Variants in MBLAC2 observed in about 807,000 individuals in gnomAD.
The protein encoded by MBLAC2 is metallo-beta-lactamase domain containing 2.
A neutral mutation model predicts 23.3 loss-of-function variants in MBLAC2; 24 were observed. That is an observed-to-expected ratio of 1.03 (90% CI 0.75 to 1.45). The LOEUF is 1.45. Among genes scored for constraint, MBLAC2 ranks in the 40% most tolerant of loss-of-function variants. The pLI is 0.00. For missense variants in MBLAC2, 358 were observed against 370.0 expected (o/e 0.97, Z 0.27); for synonymous variants, 162 against 150.9 (o/e 1.07, Z -0.54).
chr5:90,470,751 C>T (rs934899554), intron 1 of MBLAC2, among the ~76,000 whole-genome samples: 1 of 94,866 alleles, frequency 1.1e-5, no homozygotes, highest in South Asian at 4.7e-4. Context: ...AAAACTAGCG[C>T]GCGCGCACAC....
rs765956049 is a variant in MBLAC2 at position 90,473,877 on chromosome 5, C to G, written c.416G>C (p.Arg139Pro). The G allele has an allele frequency of 1.2e-6, 2 of 1,602,178 alleles. No individual in the cohort carries two copies. Among genetic ancestry groups the G allele is most frequent in the East Asian group, 4.5e-5 (2 of 44,288 alleles). The change falls in exon 1 of 2, where the codon CGG becomes CCG. Residue 139 changes from arginine (R) to proline (P), a missense_variant. By Grantham distance (103) the Arg-to-Pro change is moderately radical. Transcript: ENST00000316610. ...GAGGGTGGGCTGCACCGCCTGTACC[C>G]GGAACTGTCTGGCCCTCCAGCCGGG... is the stretch of plus-strand genomic sequence containing the variant. ...PSPGWRARQF[R>P]VQAVQPTLIL...
chr5:90,473,016 A>T (rs1750589622), intron 1 of MBLAC2: 1 of 152,232 alleles, frequency 6.6e-6, no homozygotes, highest in African/African-American at 2.4e-5. Context: ...CTACGTAGGG[A>T]GAATGGGCTG....
intron 1 of MBLAC2, among the ~76,000 whole-genome samples, chr5:90,461,937 T>C (rs1054457684): frequency 3.3e-5 from 5 of 152,374 alleles, no homozygotes; most frequent in African/African-American, 9.6e-5. Context: ...AAAGTAGATA[T>C]AGTTGTACAA....
At chr5:90,471,122 A>C (rs922025201) in intron 1 of MBLAC2, among the ~76,000 whole-genome samples, 1 of 152,158 alleles carries the variant, frequency 6.6e-6, no homozygotes, top group African/African-American at 2.4e-5. Context: ...TAGCATCCAA[A>C]ACAGTTCCCC....
chr5:90,468,812 C>A (rs991864462), intron 1 of MBLAC2, among the ~76,000 whole-genome samples: 2 of 152,046 alleles, frequency 1.3e-5, no homozygotes, highest in African/African-American at 2.4e-5. Context: ...AATTAAATAA[C>A]CTGCTCTTGA....
chr5:90,474,494 C>G lies in MBLAC2; in HGVS notation c.-202G>C. On this transcript the variant is annotated 5_prime_UTR_variant, in exon 1 of 2. Transcript: ENST00000316610. ...CCGACGCTGCCCGTAGCGTGCGCTC[C>G]CGCACCCTTCCGCCAGGTCGGCAGC... 1.8e-6 allele frequency: 1 copy of G among 570,314 alleles called. No homozygotes were observed. Among genetic ancestry groups the G allele is most frequent in the Non-Finnish European group, 3.1e-6 (1 of 324,174 alleles). The allele number at this position is 570,314 out of a possible 1,614,324, so 35.3% of individuals were successfully genotyped here. A position where few individuals can be genotyped will look rare whatever the true frequency, so the allele number is the denominator to read the frequency against.
intron 1 of MBLAC2, among the ~76,000 whole-genome samples, chr5:90,462,879 A>G (rs557808141): frequency 6.6e-6 from 1 of 152,338 alleles, no homozygotes; most frequent in East Asian, 1.9e-4. Context: ...ACTTGACCTG[A>G]CAAAAATAAA....
chr5:90,467,563 T>G (rs1462112086), intron 1 of MBLAC2, among the ~76,000 whole-genome samples: 1 of 152,124 alleles, frequency 6.6e-6, no homozygotes, highest in Non-Finnish European at 1.5e-5. Context: ...TTCATGTGAG[T>G]CTTTATGTGT....
Position 90,474,296 on chromosome 5 carries a change from G to A in MBLAC2, c.-4C>T, listed in dbSNP as rs1219220009. ...CGTACCACTCGAGCGCCGACATGCTGGGCAGGGGTGCAGCCAGGCGGGGTG... is the reference window on the plus strand; with the variant it reads ...CGTACCACTCGAGCGCCGACATGCTAGGCAGGGGTGCAGCCAGGCGGGGTG... On this transcript the variant is annotated 5_prime_UTR_variant, in exon 1 of 2. Transcript: ENST00000316610. 5.6e-6 allele frequency: 9 copies of A among 1,612,318 alleles called. No individual in the cohort carries two copies. The South Asian group carries it at 6.6e-5, about 12-fold the overall frequency.
Sources: gnomAD v4.1 joint callset for allele counts (sites outside exome capture counted in the v4.1 genomes callset) on GRCh38, gnomAD v4.1.1 for gene constraint, MANE v1.5 for transcripts, NCBI Gene and HGNC (gene_info 2026-07-23, HGNC 2026-07-21) for gene names.